Variants in KCNQ1 observed in about 807,000 individuals in gnomAD.
The protein encoded by KCNQ1 is potassium voltage-gated channel subfamily Q member 1, also known as potassium voltage-gated channel subfamily KQT member 1.
Under a neutral mutation model 72.4 loss-of-function variants are expected in KCNQ1, and 49 were observed. The observed-to-expected ratio is 0.68, with a 90% confidence interval of 0.54 to 0.86. KCNQ1 has a LOEUF of 0.86. Among genes scored for constraint, KCNQ1 ranks in the 40% least tolerant of loss-of-function variants. The pLI, the probability that KCNQ1 is intolerant of heterozygous loss-of-function variation, is 0.00. For missense variants in KCNQ1, 790 were observed against 945.1 expected (o/e 0.84, Z 2.15); for synonymous variants, 450 against 412.6 (o/e 1.09, Z -1.10).
At chr11:2,575,841 G>A (rs563012148) in intron 6 of KCNQ1, among the ~76,000 whole-genome samples, 54 of 152,294 alleles carry the variant, frequency 3.5e-4, no homozygotes, top group Non-Finnish European at 7.4e-4. Flanking sequence ...AACAAAGTCC[G>A]CGAACTGCTG....
At chr11:2,718,503 T>C (rs958247904) in intron 11 of KCNQ1, among the ~76,000 whole-genome samples, 1 of 152,182 alleles carries the variant, frequency 6.6e-6, no homozygotes, top group Non-Finnish European at 1.5e-5. Flanking sequence ...ACCCCAGGAA[T>C]TGGCTTCCAG....
intron 15 of KCNQ1, among the ~76,000 whole-genome samples, chr11:2,811,973 G>A (rs954294002): frequency 6.6e-6 from 1 of 152,088 alleles, no homozygotes; most frequent in Non-Finnish European, 1.5e-5. Flanking sequence ...CAGACCCCAC[G>A]CCCTGGCACG....
intron 11 of KCNQ1, among the ~76,000 whole-genome samples, chr11:2,701,311 C>T (rs1245546359): frequency 6.6e-6 from 1 of 152,222 alleles, no homozygotes; most frequent in Non-Finnish European, 1.5e-5. Context: ...AGCAACGACG[C>T]CCAGATGAGT....
intron 15 of KCNQ1, among the ~76,000 whole-genome samples, chr11:2,835,266 G>A (rs1390499150): frequency 6.6e-6 from 1 of 152,122 alleles, no homozygotes; most frequent in Non-Finnish European, 1.5e-5. Flanking sequence ...GCACCTGGCT[G>A]TTGCCCCCCT....
In KCNQ1 at chr11:2,759,269, A is replaced by G. The variant is rs1477676096; in HGVS notation, c.1515-9575A>G. 6.6e-6 allele frequency among the ~76,000 whole-genome samples: 1 copy of G among 152,220 alleles called. No homozygotes were observed. Among genetic ancestry groups the G allele is most frequent in the East Asian group, 1.9e-4 (1 of 5,194 alleles). Reference sequence around the variant, plus strand: ...AGTCTGGAAGGCCTGCAAGGCCCTCATGCCTACGAGGTGGCTGCTAGGGGG... The same window carrying G: ...AGTCTGGAAGGCCTGCAAGGCCCTCGTGCCTACGAGGTGGCTGCTAGGGGG... On this transcript the variant is annotated intron_variant, in intron 11 of 15. Transcript: ENST00000155840. This position sits in a 1 kb window ranked among gnomAD's most constrained non-coding sequence, Gnocchi z 4.4.
At position 2,785,935 on chromosome 11, in the gene KCNQ1, G is replaced by A. The variant is rs1355433502; in HGVS notation, c.1794+7898G>A. Among the ~76,000 whole-genome samples, 1 of 151,952 alleles carries A rather than the reference G, an allele frequency of 6.6e-6. No homozygotes were observed. Among genetic ancestry groups the A allele is most frequent in the Admixed American group, 6.6e-5 (1 of 15,260 alleles). ...CTTCAATTATTCTCCCCCTGACTTA[G>A]TACTTTGCTGTTGTATATTTTAGTT... On this transcript the variant is annotated intron_variant, in intron 15 of 15. Coordinates refer to ENST00000155840, the MANE Select transcript of KCNQ1 (RefSeq NM_000218.3). This position sits in a 1 kb window ranked among gnomAD's most constrained non-coding sequence, Gnocchi z 4.4.
At chr11:2,811,566 G>A (rs1200785612) in intron 15 of KCNQ1, among the ~76,000 whole-genome samples, 4 of 152,238 alleles carry the variant, frequency 2.6e-5, no homozygotes, top group East Asian at 1.9e-4. Context: ...AAGCCCAGGC[G>A]GGGCCCTTGC....
At chr11:2,722,758 C>T (rs925511555) in intron 11 of KCNQ1, among the ~76,000 whole-genome samples, 1 of 152,122 alleles carries the variant, frequency 6.6e-6, no homozygotes, top group Non-Finnish European at 1.5e-5. Context: ...TAAGCTGCCC[C>T]TAGATAGCTG....
intron 15 of KCNQ1, among the ~76,000 whole-genome samples, chr11:2,778,637 G>T (rs184496318): frequency 8.9e-6 from 1 of 112,158 alleles, no homozygotes; most frequent in Non-Finnish European, 2.1e-5. Flanking sequence ...GGATCTGGGC[G>T]GTGGGAGGGC....
At chr11:2,525,471 C>T (rs937956300) in intron 1 of KCNQ1, among the ~76,000 whole-genome samples, 2 of 152,202 alleles carry the variant, frequency 1.3e-5, no homozygotes, top group African/African-American at 4.8e-5. Flanking sequence ...GTAGGAGCAC[C>T]CAGAGGGAGC....
chr11:2,517,782 C>T (rs997688376), intron 1 of KCNQ1, among the ~76,000 whole-genome samples: 3 of 152,230 alleles, frequency 2.0e-5, no homozygotes, highest in African/African-American at 7.2e-5. Flanking sequence ...GGGGCCATGC[C>T]TGCGCCCGCA....
rs1473084838 is a variant in KCNQ1 at position 2,598,101 on chromosome 11, CTATTTT to C, written c.1393+9249_1393+9254del. Among the ~76,000 whole-genome samples, 2 of 151,796 alleles carry C rather than the reference CTATTTT, an allele frequency of 1.3e-5. No homozygotes were observed. The highest frequency in any genetic ancestry group is 2.1e-4 in the South Asian group (1 of 4,658). ...ATTAATTCCCTTTTCTTGGCTAACT[CTATTTT>C]TGTTTTCTTTTACTTAAGAGTCATA... On this transcript the variant is annotated intron_variant, in intron 10 of 15. Coordinates refer to ENST00000155840, the MANE Select transcript of KCNQ1 (RefSeq NM_000218.3). The surrounding 1 kb of genome is among the most constrained non-coding windows in gnomAD (Gnocchi z 6.2).
intron 1 of KCNQ1, among the ~76,000 whole-genome samples, chr11:2,504,491 C>T (rs1847068312): frequency 6.6e-6 from 1 of 152,120 alleles, no homozygotes; most frequent in African/African-American, 2.4e-5. Context: ...CACAGTGGCT[C>T]ACAGCTGTAA....
rs918694136 is a variant in KCNQ1 at position 2,486,858 on chromosome 11, CA to C, written c.387-41069del. 1.3e-5 allele frequency among the ~76,000 whole-genome samples: 2 copies of C among 152,178 alleles called. No individual in the cohort carries two copies. The highest frequency in any genetic ancestry group is 4.8e-5 in the African/African-American group (2 of 41,440). ...GACCCAAACAGCACCCACCAGGCCC[CA>C]CCTCCAACGCTGGGGATCACATTTC... On this transcript the variant is annotated intron_variant, in intron 1 of 15. Coordinates refer to ENST00000155840, the MANE Select transcript of KCNQ1 (RefSeq NM_000218.3). This position sits in a 1 kb window ranked among gnomAD's most constrained non-coding sequence, Gnocchi z 5.0.
rs565503788 is a variant in KCNQ1 at position 2,783,758 on chromosome 11, A to G, written c.1794+5721A>G. Among the ~76,000 whole-genome samples the G allele has an allele frequency of 6.6e-6, 1 of 152,152 alleles. No homozygotes were observed. The highest frequency in any genetic ancestry group is 1.5e-5 in the Non-Finnish European group (1 of 67,886). ...ATTTCCCTAATGACTAATGATGTTG[A>G]GCCACTTTTCATGTGCTTATTAGCC... On this transcript the variant is annotated intron_variant, in intron 15 of 15. Transcript: ENST00000155840. The surrounding 1 kb of genome is among the most constrained non-coding windows in gnomAD (Gnocchi z 5.2).
intron 11 of KCNQ1, chr11:2,699,699 A>AGGAGAACGGCGCCGAGGAGTCCCCGG: frequency 4.9e-6 from 1 of 203,752 alleles, no homozygotes; most frequent in Non-Finnish European, 7.7e-6. Context: ...GGGTGCCCCG[A>AGGAGAACGGCGCCGAGGAGTCCCCGG]GGAGAACGGC....
At chr11:2,749,641 C>CAAAAAAAAAAAAAAAAAAA (rs35701102) in intron 11 of KCNQ1, among the ~76,000 whole-genome samples, 1 of 87,124 alleles carries the variant, frequency 1.1e-5, no homozygotes. Flanking sequence ...ACTAAAAATA[C>CAAAAAAAAAAAAAAAAAAA]AAAAAAAAAA....
At chr11:2,741,278 G>T (rs182342399) in intron 11 of KCNQ1, among the ~76,000 whole-genome samples, 16 of 152,288 alleles carry the variant, frequency 1.1e-4, no homozygotes, top group South Asian at 2.1e-4. Context: ...TTACTCTGCC[G>T]CTGAGTGACT....
chr11:2,472,809 T>C (rs1181048580), intron 1 of KCNQ1, among the ~76,000 whole-genome samples: 2 of 152,082 alleles, frequency 1.3e-5, no homozygotes, highest in African/African-American at 4.8e-5. Flanking sequence ...GAGGAAAAAG[T>C]GCAACCATGC....
Sources: allele counts gnomAD v4.1 joint callset (sites outside exome capture counted in the v4.1 genomes callset), GRCh38; gene constraint gnomAD v4.1.1; non-coding constraint Gnocchi (gnomAD v3.1); transcripts MANE v1.5; gene names NCBI Gene and HGNC (gene_info 2026-07-23, HGNC 2026-07-21).